TPST1: variants seen among roughly 807,000 people sequenced by gnomAD.
The protein encoded by TPST1 is protein-tyrosine sulfotransferase 1.
Under a neutral mutation model 34.8 loss-of-function variants are expected in TPST1, and 20 were observed. The ratio of observed to expected loss-of-function variants is 0.57; its 90% CI spans 0.40 to 0.84. The LOEUF (loss-of-function observed/expected upper bound fraction) is 0.84. TPST1 is among the 40% of genes least tolerant of loss of function. The pLI is 0.00. For synonymous variants in TPST1, 152 were observed against 159.4 expected (o/e 0.95, Z 0.35); for missense variants, 353 against 455.5 (o/e 0.78, Z 2.05).
intron 3 of TPST1, among the ~76,000 whole-genome samples, chr7:66,295,119 T>A (rs1427003241): frequency 6.6e-6 from 1 of 152,152 alleles, no homozygotes; most frequent in African/African-American, 2.4e-5. Flanking sequence ...ATTTTTTTTT[T>A]AAGGTAGGAT....
chr7:66,243,991 C>T (rs894254152), intron 2 of TPST1, among the ~76,000 whole-genome samples: 4 of 146,764 alleles, frequency 2.7e-5, no homozygotes, highest in Non-Finnish European at 5.9e-5. Flanking sequence ...CTCTGTCGCC[C>T]AGGCTGGAGT....
At chr7:66,243,400 A>G (rs965515832) in intron 2 of TPST1, among the ~76,000 whole-genome samples, 3 of 152,096 alleles carry the variant, frequency 2.0e-5, no homozygotes, top group African/African-American at 7.2e-5. Flanking sequence ...TTCCAATATA[A>G]AACAAGAGCT....
Position 66,241,102 on chromosome 7 carries a change from G to A in TPST1, c.677G>A (p.Cys226Tyr). The A allele has an allele frequency of 6.2e-7, 1 of 1,614,176 alleles. No homozygotes were observed. Among genetic ancestry groups the A allele is most frequent in the East Asian group, 2.2e-5 (1 of 44,886 alleles). Residue 226 changes from cysteine (C) to tyrosine (Y), a missense_variant, in exon 2 of 6, where the codon TGT (cysteine) becomes TAT (tyrosine). Transcript: ENST00000304842. ...NRAIETMYNQ[C>Y]MEVGYKKCML... ...GCTATAGAGACCATGTATAACCAGT[G>A]TATGGAGGTTGGTTATAAAAAGTGC...
intron 2 of TPST1, among the ~76,000 whole-genome samples, chr7:66,284,471 C>A (rs1459217980): frequency 6.6e-6 from 1 of 151,514 alleles, no homozygotes; most frequent in East Asian, 1.9e-4. Flanking sequence ...AACATCTGTC[C>A]TTCAAGTCAA....
intron 2 of TPST1, among the ~76,000 whole-genome samples, chr7:66,251,370 G>A (rs76768219): frequency 0.016 from 2,385 of 152,250 alleles, 61 homozygotes; most frequent in East Asian, 0.092. Flanking sequence ...ATTGTTCAAA[G>A]TGGTACTTAT....
chr7:66,260,212 T>A (rs560428112), intron 2 of TPST1, among the ~76,000 whole-genome samples: 76 of 152,340 alleles, frequency 5.0e-4, no homozygotes, highest in African/African-American at 1.7e-3. Flanking sequence ...TGATTAGATA[T>A]CTTGAGAATG....
At chr7:66,346,778 C>T (rs1254909468) in intron 3 of TPST1, among the ~76,000 whole-genome samples, 1 of 152,040 alleles carries the variant, frequency 6.6e-6, no homozygotes, top group Non-Finnish European at 1.5e-5. Context: ...GGGGGATTGT[C>T]ACTTCCCTTT....
At chr7:66,349,622 C>T (rs998263596) in intron 3 of TPST1, among the ~76,000 whole-genome samples, 13 of 152,056 alleles carry the variant, frequency 8.5e-5, no homozygotes, top group African/African-American at 3.1e-4. Flanking sequence ...GACCTCAACC[C>T]ACTGACAAGA....
At chr7:66,227,028 CTTTTTTTT>C (rs546339747) in intron 1 of TPST1, among the ~76,000 whole-genome samples, 7 of 69,206 alleles carry the variant, frequency 1.0e-4, no homozygotes, top group East Asian at 4.5e-4. Context: ...TTAAAATAAG[CTTTTTTTT>C]TTTTTTTTTT....
At chr7:66,248,531 T>C (rs1584173585) in intron 2 of TPST1, among the ~76,000 whole-genome samples, 1 of 129,642 alleles carries the variant, frequency 7.7e-6, no homozygotes, top group East Asian at 2.2e-4. Context: ...TGAGACAGAG[T>C]CTCGCACTGT....
chr7:66,343,095 C>T (rs1425089954), intron 3 of TPST1, among the ~76,000 whole-genome samples: 1 of 152,064 alleles, frequency 6.6e-6, no homozygotes, highest in Non-Finnish European at 1.5e-5. Flanking sequence ...AGACACTCCC[C>T]CCACCACACA....
At chr7:66,324,520 T>C (rs1335697193) in intron 3 of TPST1, among the ~76,000 whole-genome samples, 1 of 152,042 alleles carries the variant, frequency 6.6e-6, no homozygotes, top group East Asian at 1.9e-4. Context: ...ATGATAGCCA[T>C]TTTCGGCTGG....
chr7:66,217,214 G>A (rs1789440852), intron 1 of TPST1, among the ~76,000 whole-genome samples: 1 of 152,100 alleles, frequency 6.6e-6, no homozygotes, highest in Non-Finnish European at 1.5e-5. Flanking sequence ...TAGTTGATTT[G>A]TAGTATTGTA....
At chr7:66,199,808 G>A in the TPST1 span, among the ~76,000 whole-genome samples, 2 of 151,836 alleles carry the variant, frequency 1.3e-5, no homozygotes, top group African/African-American at 4.8e-5. Flanking sequence ...CTGCCTCCTG[G>A]GTTCAAGGAA....
intron 1 of TPST1, among the ~76,000 whole-genome samples, chr7:66,237,192 C>T (rs1789928455): frequency 6.6e-6 from 1 of 152,166 alleles, no homozygotes; most frequent in Non-Finnish European, 1.5e-5. Context: ...GCGTTCTTCC[C>T]CACTCCAAAC....
intron 3 of TPST1, among the ~76,000 whole-genome samples, chr7:66,346,056 C>T (rs1431195310): frequency 6.6e-6 from 1 of 151,858 alleles, no homozygotes; most frequent in African/African-American, 2.4e-5. Flanking sequence ...TTTTAGCTCC[C>T]ACAAATAAGT....
At chr7:66,347,979 G>A (rs6959268) in intron 3 of TPST1, among the ~76,000 whole-genome samples, 98,170 of 151,810 alleles carry the variant, frequency 0.65, 32,072 homozygotes, top group African/African-American at 0.74. Flanking sequence ...TTTTCTTATT[G>A]CTGTAAGACT....
chr7:66,246,772 C>T (rs779294580), intron 2 of TPST1, among the ~76,000 whole-genome samples: 7 of 152,192 alleles, frequency 4.6e-5, no homozygotes, highest in Non-Finnish European at 7.3e-5. Flanking sequence ...CAAGTTGGAG[C>T]GCCAGTCATT....
At chr7:66,335,032 C>A (rs145683591) in intron 3 of TPST1, among the ~76,000 whole-genome samples, 335 of 152,282 alleles carry the variant, frequency 2.2e-3, no homozygotes, top group African/African-American at 7.3e-3. Context: ...AGCCGAGACA[C>A]CCTATTGACA....
Sources: allele counts gnomAD v4.1 joint callset (sites outside exome capture counted in the v4.1 genomes callset), GRCh38; gene constraint gnomAD v4.1.1; transcripts MANE v1.5; gene names NCBI Gene and HGNC (gene_info 2026-07-23, HGNC 2026-07-21).